Variants in DIP2C observed in about 807,000 individuals in gnomAD.
DIP2C encodes the protein disco-interacting protein 2 homolog C.
DIP2C carries 33 observed loss-of-function variants against 192.4 expected under a neutral mutation model. That is an observed-to-expected ratio of 0.17 (90% CI 0.13 to 0.23). The LOEUF is 0.23. DIP2C is among the 10% of genes least tolerant of loss of function. The probability of loss-of-function intolerance (pLI) is 1.00; values close to 1 mark genes in which losing one functional copy is unlikely to be tolerated. For missense variants in DIP2C, 1,537 were observed against 2,110.1 expected (o/e 0.73, Z 5.32); for synonymous variants, 979 against 864.1 (o/e 1.13, Z -2.33).
chr10:670,463 G>A (rs1830579298), intron 1 of DIP2C, among the ~76,000 whole-genome samples: 1 of 152,184 alleles, frequency 6.6e-6, no homozygotes, highest in Non-Finnish European at 1.5e-5. Flanking sequence ...ACAAAACAGG[G>A]TAGGGTGTCA....
chr10:413,927 T>G lies in DIP2C; in HGVS notation c.1043A>C (p.Tyr348Ser). Residue 348 changes from tyrosine (Y) to serine (S), a missense_variant, in exon 8 of 37, where the codon TAC becomes TCC. Transcript: ENST00000280886. ...TTMDTNGKPLYILTYGKLWTR... is the reference protein window; with the variant it reads ...TTMDTNGKPLSILTYGKLWTR... ...CTGGGGATTACCGTAAGTGAGGATGTAGAGGGGCTTCCCGTTGGTGTCCAT... is the reference window on the plus strand; with the variant it reads ...CTGGGGATTACCGTAAGTGAGGATGGAGAGGGGCTTCCCGTTGGTGTCCAT... The G allele has an allele frequency of 6.2e-7, 1 of 1,614,030 alleles. No individual in the cohort carries two copies.
chr10:541,759 T>C (rs1848002509), intron 1 of DIP2C, among the ~76,000 whole-genome samples: 1 of 149,222 alleles, frequency 6.7e-6, no homozygotes, highest in African/African-American at 2.5e-5. Flanking sequence ...CACCCATCTC[T>C]CCTGGACCCC....
Position 612,220 on chromosome 10 carries a change from G to GA in DIP2C, c.85+77273dup, listed in dbSNP as rs1180469641. Among the ~76,000 whole-genome samples, 11 of 152,016 alleles carry GA rather than the reference G, an allele frequency of 7.2e-5. No homozygotes were observed. In the East Asian group the frequency reaches 2.1e-3, roughly 29 times the overall value. On this transcript the variant is annotated intron_variant, in intron 1 of 36. Transcript: ENST00000280886. Reference sequence around the variant, plus strand: ...AGGCAGGAGAATGGCGTGAACCCAGGAGGCGAGGTTGCAGTGAGCCAAGGT... The same window carrying GA: ...AGGCAGGAGAATGGCGTGAACCCAGGAAGGCGAGGTTGCAGTGAGCCAAGGT...
chr10:571,614 G>C (rs554242826), intron 1 of DIP2C, among the ~76,000 whole-genome samples: 1 of 152,158 alleles, frequency 6.6e-6, no homozygotes, highest in Non-Finnish European at 1.5e-5. Context: ...GGTCAGTAGA[G>C]GGTTTTCTTT....
chr10:633,437 C>T (rs923149609), intron 1 of DIP2C, among the ~76,000 whole-genome samples: 1 of 152,040 alleles, frequency 6.6e-6, no homozygotes, highest in Non-Finnish European at 1.5e-5. Context: ...GCAGAGCGGA[C>T]GCGGGGAGTC....
intron 6 of DIP2C, among the ~76,000 whole-genome samples, chr10:417,511 G>A (rs142153997): frequency 1.9e-3 from 288 of 152,326 alleles, no homozygotes; most frequent in African/African-American, 6.1e-3. Flanking sequence ...CAATCAGGGC[G>A]ATTTCAAGCG....
At chr10:579,149 T>C (rs965210477) in intron 1 of DIP2C, among the ~76,000 whole-genome samples, 5 of 151,746 alleles carry the variant, frequency 3.3e-5, no homozygotes, top group African/African-American at 4.8e-5. Context: ...GCGTAGAGCA[T>C]ACACCCAGAT....
intron 1 of DIP2C, among the ~76,000 whole-genome samples, chr10:519,559 C>A (rs1846568038): frequency 1.3e-5 from 2 of 152,210 alleles, no homozygotes; most frequent in South Asian, 2.1e-4. Context: ...CCTGGGTCCC[C>A]CCAGCTGGCA....
rs1963386814 is a variant in DIP2C, at chr10:390,616, C to T, written c.1384+124G>A. 14 of 1,477,730 alleles carry T rather than the reference C, an allele frequency of 9.5e-6. No individual in the cohort carries two copies. The South Asian group carries it at 1.6e-4, about 17-fold the overall frequency. 91.5% of individuals were successfully genotyped at this position (1,477,730 alleles called of 1,614,324 possible). A position where few individuals can be genotyped will look rare whatever the true frequency, so the allele number is the denominator to read the frequency against. ...TCAGGGACGAGAACGCGTGAAAACT[C>T]GTGGGTCTGTGACTGACGTTTCATT... On this transcript the variant is annotated intron_variant, in intron 11 of 36. Transcript: ENST00000280886.
intron 6 of DIP2C, 35 bp from the exon 7 acceptor site, chr10:415,923 T>A (rs774781846): frequency 7.7e-5 from 124 of 1,612,374 alleles, no homozygotes; most frequent in Non-Finnish European, 9.7e-5. Flanking sequence ...GGGAAAGCGA[T>A]CATCACAGCT....
intron 5 of DIP2C, among the ~76,000 whole-genome samples, chr10:421,790 C>T (rs1213651468): frequency 1.3e-5 from 2 of 152,122 alleles, no homozygotes; most frequent in Non-Finnish European, 1.5e-5. Context: ...GGAGAACTGA[C>T]TTCAAGATCC....
chr10:680,581 C>A (rs1460916882), intron 1 of DIP2C, among the ~76,000 whole-genome samples: 1 of 152,226 alleles, frequency 6.6e-6, no homozygotes, highest in Non-Finnish European at 1.5e-5. Flanking sequence ...GTTTTCATTT[C>A]AGGTAAACTG....
At chr10:637,055 G>A (rs1044954590) in intron 1 of DIP2C, among the ~76,000 whole-genome samples, 9 of 152,260 alleles carry the variant, frequency 5.9e-5, no homozygotes, top group Non-Finnish European at 1.3e-4. Context: ...CTGCACAGGC[G>A]TGGGGCAAGA....
chr10:482,016 G>A (rs1013609439), intron 2 of DIP2C, among the ~76,000 whole-genome samples: 1 of 152,222 alleles, frequency 6.6e-6, no homozygotes, highest in Non-Finnish European at 1.5e-5. Flanking sequence ...CTATGACAGT[G>A]GTATTTCAGA....
At chr10:298,783 A>AC (rs1361737468) in intron 32 of DIP2C, among the ~76,000 whole-genome samples, 1 of 151,708 alleles carries the variant, frequency 6.6e-6, no homozygotes, top group Non-Finnish European at 1.5e-5. Context: ...TTGCTTCCAG[A>AC]CCCTCCCTGT....
chr10:533,716 G>A (rs1049496190), intron 1 of DIP2C, among the ~76,000 whole-genome samples: 4 of 151,144 alleles, frequency 2.6e-5, no homozygotes, highest in African/African-American at 9.7e-5. Flanking sequence ...CATGGACAGA[G>A]AACAGAACTC....
chr10:348,692 C>G lies in DIP2C; in HGVS notation c.3180G>C (p.Pro1060=), dbSNP rs146207311. 2.5e-6 allele frequency: 4 copies of G among 1,613,694 alleles called. No homozygotes were observed. The African/African-American group carries it at 5.3e-5, about 22-fold the overall frequency. ...AGCVPITVRP[P]HPQNIATTLP... ...ACGTCGTCGCGATGTTCTGTGGGTG[C>G]GGGGGACGGACGGTTATTGGCACAC... Residue 1060 remains proline, a synonymous_variant, in exon 26 of 37, where the codon CCG becomes CCC. Coordinates refer to ENST00000280886, the MANE Select transcript of DIP2C (RefSeq NM_014974.3).
At chr10:362,419 C>T (rs530291388) in intron 22 of DIP2C, 71 bp downstream of exon 22, 66 of 1,522,168 alleles carry the variant, frequency 4.3e-5, no homozygotes, top group Middle Eastern at 2.4e-4. Context: ...GGTGAACTCC[C>T]GCACCTCCCA....
At chr10:462,760 A>G (rs1460716368) in intron 3 of DIP2C, among the ~76,000 whole-genome samples, 3 of 152,250 alleles carry the variant, frequency 2.0e-5, no homozygotes, top group East Asian at 1.9e-4. Context: ...ATGAACATCA[A>G]TGTGAAAATC....
Sources: gnomAD v4.1 joint callset for allele counts (sites outside exome capture counted in the v4.1 genomes callset) on GRCh38, gnomAD v4.1.1 for gene constraint, MANE v1.5 for transcripts, NCBI Gene and HGNC (gene_info 2026-07-23, HGNC 2026-07-21) for gene names.